USP13: variants seen among roughly 807,000 people sequenced by gnomAD.
The protein encoded by USP13 is ubiquitin carboxyl-terminal hydrolase 13.
USP13 carries 68 observed loss-of-function variants against 107.8 expected under a neutral mutation model. The ratio of observed to expected loss-of-function variants is 0.63; its 90% CI spans 0.52 to 0.77. The LOEUF (loss-of-function observed/expected upper bound fraction) is 0.77. Ranked by LOEUF, USP13 falls within the 30% of genes least tolerant of loss-of-function variation. The pLI is 0.00. For missense variants in USP13, 945 were observed against 1,093.3 expected (o/e 0.86, Z 1.91); for synonymous variants, 377 against 389.5 (o/e 0.97, Z 0.38).
chr3:179,759,129 G>A (rs1471496496), intron 16 of USP13, among the ~76,000 whole-genome samples: 1 of 151,650 alleles, frequency 6.6e-6, no homozygotes, highest in African/African-American at 2.4e-5. Context: ...CTACAGGTGT[G>A]CACCACCACG....
At chr3:179,775,769 C>T (rs113235843) in intron 19 of USP13, among the ~76,000 whole-genome samples, 7,049 of 152,292 alleles carry the variant, frequency 0.046, 533 homozygotes, top group African/African-American at 0.16. Flanking sequence ...TGCAAAGCCC[C>T]TGACTGCTGA....
intron 16 of USP13, among the ~76,000 whole-genome samples, chr3:179,760,287 T>C (rs1156452600): frequency 6.7e-6 from 1 of 149,454 alleles, no homozygotes; most frequent in Non-Finnish European, 1.5e-5. Flanking sequence ...TTAATGTTTT[T>C]TTTTTTTTTT....
At chr3:179,752,991 A>C (rs967399807) in intron 14 of USP13, among the ~76,000 whole-genome samples, 3 of 152,174 alleles carry the variant, frequency 2.0e-5, no homozygotes, top group African/African-American at 4.8e-5. Context: ...CCATTGTTAG[A>C]GGTTAATTTT....
chr3:179,731,855 C>T (rs190340161), intron 10 of USP13, among the ~76,000 whole-genome samples: 13 of 152,252 alleles, frequency 8.5e-5, no homozygotes, highest in African/African-American at 3.1e-4. Flanking sequence ...CAGGCTCGTT[C>T]AGTTCTGTGT....
At chr3:179,759,074 C>T (rs192473443) in intron 16 of USP13, among the ~76,000 whole-genome samples, 111 of 152,162 alleles carry the variant, frequency 7.3e-4, no homozygotes, top group African/African-American at 2.5e-3. Flanking sequence ...CTCTGCCTCC[C>T]GGGTTCAAGC....
intron 10 of USP13, among the ~76,000 whole-genome samples, chr3:179,737,364 G>T (rs557587544): frequency 6.6e-5 from 10 of 152,188 alleles, no homozygotes; most frequent in Non-Finnish European, 1.5e-4. Context: ...AAAGTGTTAA[G>T]AACTGTGCCT....
chr3:179,675,794 C>T (rs1720877161), intron 1 of USP13, among the ~76,000 whole-genome samples: 1 of 152,122 alleles, frequency 6.6e-6, no homozygotes, highest in Non-Finnish European at 1.5e-5. Flanking sequence ...GTGATCTGCC[C>T]ATCTTGGCCT....
Position 179,765,730 on chromosome 3 carries a change from T to A in USP13, c.2295T>A (p.Phe765Leu). The change falls in exon 19 of 21, where the codon TTT becomes TTA. Residue 765 changes from phenylalanine (F) to leucine (L), a missense_variant. Physicochemically the swap from Phe to Leu is conservative, Grantham distance 22. Transcript: ENST00000263966. The part of the protein sequence containing the change: ...NNLERALDWI[F>L]SHPEFEEDSD... Reference sequence around the variant, plus strand: ...TGGAAAGAGCACTGGATTGGATCTTTAGCCACCCTGAGTTTGAAGAAGACA... The same window carrying A: ...TGGAAAGAGCACTGGATTGGATCTTAAGCCACCCTGAGTTTGAAGAAGACA... The A allele has an allele frequency of 6.2e-7, 1 of 1,614,210 alleles. No individual in the cohort carries two copies. Among genetic ancestry groups the A allele is most frequent in the South Asian group, 1.1e-5 (1 of 91,082 alleles).
intron 17 of USP13, among the ~76,000 whole-genome samples, chr3:179,762,214 C>T (rs566383694): frequency 1.3e-5 from 2 of 152,336 alleles, no homozygotes; most frequent in East Asian, 1.9e-4. Context: ...GTTTCTATCA[C>T]TTAGCATAGT....
chr3:179,686,449 G>T (rs1378507640), intron 2 of USP13, among the ~76,000 whole-genome samples: 1 of 152,182 alleles, frequency 6.6e-6, no homozygotes, highest in African/African-American at 2.4e-5. Context: ...TGGAATGGTG[G>T]CGCATGCCTT....
intron 13 of USP13, among the ~76,000 whole-genome samples, chr3:179,748,546 A>G (rs1176751338): frequency 6.6e-6 from 1 of 152,222 alleles, no homozygotes; most frequent in African/African-American, 2.4e-5. Flanking sequence ...GCCAGGCCTT[A>G]AGACCCTTCT....
intron 3 of USP13, among the ~76,000 whole-genome samples, chr3:179,695,404 C>T (rs1341380286): frequency 6.6e-6 from 1 of 152,124 alleles, no homozygotes; most frequent in Non-Finnish European, 1.5e-5. Flanking sequence ...GCTGAGGCCA[C>T]TGGCTGGTGC....
intron 6 of USP13, among the ~76,000 whole-genome samples, chr3:179,714,071 T>G (rs961875879): frequency 6.6e-6 from 1 of 152,182 alleles, no homozygotes; most frequent in African/African-American, 2.4e-5. Flanking sequence ...GAGGACGCAT[T>G]GTTTCGGCGA....
chr3:179,693,705 G>C (rs1712188002), intron 3 of USP13, among the ~76,000 whole-genome samples: 1 of 152,006 alleles, frequency 6.6e-6, no homozygotes, highest in African/African-American at 2.4e-5. Context: ...CCGGAGTCTT[G>C]CTCTGTCACC....
At chr3:179,736,233 A>G (rs144749638) in intron 10 of USP13, among the ~76,000 whole-genome samples, 23 of 152,310 alleles carry the variant, frequency 1.5e-4, no homozygotes, top group Admixed American at 8.5e-4. Flanking sequence ...AGTTTGCTCT[A>G]AAGATTGCTT....
chr3:179,722,559 C>G (rs1453714962), intron 8 of USP13, among the ~76,000 whole-genome samples: 2 of 152,072 alleles, frequency 1.3e-5, no homozygotes, highest in Non-Finnish European at 2.9e-5. Flanking sequence ...TATTCTGATA[C>G]AGGTACGCAA....
intron 8 of USP13, among the ~76,000 whole-genome samples, chr3:179,722,018 A>T (rs1417388917): frequency 6.6e-6 from 1 of 150,908 alleles, no homozygotes; most frequent in Non-Finnish European, 1.5e-5. Context: ...GTGAGCCAAG[A>T]TCATGCCACT....
chr3:179,654,436 T>G (rs1321427720), intron 1 of USP13, among the ~76,000 whole-genome samples: 1 of 152,144 alleles, frequency 6.6e-6, no homozygotes, highest in Non-Finnish European at 1.5e-5. Flanking sequence ...ATCGCCGCCT[T>G]CCACCCGGGG....
At chr3:179,730,360 T>A in intron 9 of USP13, 100 bp downstream of exon 9, 1 of 1,230,328 alleles carries the variant, frequency 8.1e-7, no homozygotes, top group Non-Finnish European at 1.1e-6. Flanking sequence ...CAATTCTTCA[T>A]GTATTTTTAA....
Sources: allele counts gnomAD v4.1 joint callset (sites outside exome capture counted in the v4.1 genomes callset), GRCh38; gene constraint gnomAD v4.1.1; transcripts MANE v1.5; gene names NCBI Gene and HGNC (gene_info 2026-07-23, HGNC 2026-07-21).